The following SETBP1 variants were observed in gnomAD, a reference collection of about 807,000 sequenced individuals.
The protein encoded by SETBP1 is SET binding protein 1, also known as SET-binding protein.
A neutral mutation model predicts 101.0 loss-of-function variants in SETBP1; 9 were observed. The ratio of observed to expected loss-of-function variants is 0.09; its 90% CI spans 0.05 to 0.16. The LOEUF (loss-of-function observed/expected upper bound fraction) is 0.16. Among genes scored for constraint, SETBP1 ranks in the 10% least tolerant of loss-of-function variants. The pLI is 1.00. For synonymous variants in SETBP1, 818 were observed against 788.5 expected (o/e 1.04, Z -0.63); for missense variants, 1,858 against 2,033.8 (o/e 0.91, Z 1.66).
At chr18:45,001,979 C>T (rs1353471905) in intron 4 of SETBP1, among the ~76,000 whole-genome samples, 1 of 152,144 alleles carries the variant, frequency 6.6e-6, no homozygotes, top group Non-Finnish European at 1.5e-5. Flanking sequence ...AAGGCTCCCC[C>T]ACCAAAATAA....
chr18:44,986,624 T>C (rs2072240519), intron 4 of SETBP1: 1 of 152,062 alleles, frequency 6.6e-6, no homozygotes, highest in African/African-American at 2.4e-5. Context: ...TTTGATTTTT[T>C]TTTTTTTTAC....
intron 4 of SETBP1, among the ~76,000 whole-genome samples, chr18:44,972,885 T>C (rs1303521480): frequency 2.6e-5 from 4 of 152,186 alleles, no homozygotes; most frequent in Non-Finnish European, 4.4e-5. Flanking sequence ...TCCTGACTGA[T>C]TGCCCTGGCC....
At position 44,833,765 on chromosome 18, in the gene SETBP1, C is replaced by A. The variant is rs183648684; in HGVS notation, c.487-35465C>A. 3.4e-4 allele frequency among the ~76,000 whole-genome samples: 52 copies of A among 152,310 alleles called. 1 individual carries two copies. Among genetic ancestry groups the A allele is most frequent in the Admixed American group, 9.8e-4 (15 of 15,302 alleles). On this transcript the variant is annotated intron_variant, in intron 2 of 5. Coordinates refer to ENST00000649279, the MANE Select transcript of SETBP1 (RefSeq NM_015559.3). ...CACTTTTTACTCCAAGCTCCCCTGG[C>A]TCATAGCAATTCATGCAGTAGTTAT...
intron 4 of SETBP1, among the ~76,000 whole-genome samples, chr18:45,009,395 G>A (rs550763995): frequency 1.1e-3 from 171 of 151,454 alleles, no homozygotes; most frequent in Non-Finnish European, 1.8e-3. Context: ...TAATGACTGC[G>A]CTGGTTTTTA....
chr18:45,022,006 TGTTAACTGAA>T (rs754826068), intron 4 of SETBP1, among the ~76,000 whole-genome samples: 6,899 of 152,304 alleles, frequency 0.045, 176 homozygotes, highest in South Asian at 0.096. Flanking sequence ...TATGCCCTAC[TGTTAACTGAA>T]CAAAAGTTCA....
intron 4 of SETBP1, among the ~76,000 whole-genome samples, chr18:44,974,632 A>G (rs2071945632): frequency 1.3e-5 from 2 of 152,194 alleles, no homozygotes. Flanking sequence ...GATTTACCAA[A>G]GCCTGGTAAC....
chr18:44,900,849 A>G (rs1225902478), intron 3 of SETBP1, among the ~76,000 whole-genome samples: 2 of 152,170 alleles, frequency 1.3e-5, no homozygotes, highest in African/African-American at 4.8e-5. Flanking sequence ...AGTGAAGGAA[A>G]TGGGTTGAGT....
chr18:44,814,380 A>C (rs1039608498), intron 2 of SETBP1, among the ~76,000 whole-genome samples: 3 of 152,228 alleles, frequency 2.0e-5, no homozygotes, highest in Admixed American at 1.3e-4. Context: ...ACAGAAGGCC[A>C]GATCCAAGGG....
chr18:44,864,528 C>T (rs1038198498), intron 2 of SETBP1, among the ~76,000 whole-genome samples: 2 of 152,088 alleles, frequency 1.3e-5, no homozygotes, highest in Non-Finnish European at 2.9e-5. Context: ...GCAGGGTCAT[C>T]CTCCTAATAT....
intron 4 of SETBP1, among the ~76,000 whole-genome samples, chr18:45,030,641 T>TGGA (rs2073275877): frequency 6.7e-6 from 1 of 150,156 alleles, no homozygotes; most frequent in Non-Finnish European, 1.5e-5. Flanking sequence ...CATCTGGTCC[T>TGGA]GGACTCTTTT....
intron 3 of SETBP1, among the ~76,000 whole-genome samples, chr18:44,892,744 T>A (rs1305391616): frequency 6.6e-6 from 1 of 152,146 alleles, no homozygotes; most frequent in African/African-American, 2.4e-5. Flanking sequence ...TTTTTCTTCC[T>A]CATCCACACA....
intron 2 of SETBP1, among the ~76,000 whole-genome samples, chr18:44,857,809 T>G (rs2073007887): frequency 1.3e-5 from 2 of 152,184 alleles, no homozygotes; most frequent in South Asian, 4.1e-4. Context: ...ATATCTTATT[T>G]GGAGAAGAGG....
intron 4 of SETBP1, among the ~76,000 whole-genome samples, chr18:44,991,244 C>CAAAAAA (rs55811938): frequency 8.8e-5 from 6 of 68,200 alleles, no homozygotes; most frequent in Non-Finnish European, 1.1e-4. Context: ...CTGCATCTCA[C>CAAAAAA]AAAAAAAAAA....
intron 1 of SETBP1, among the ~76,000 whole-genome samples, chr18:44,688,786 A>T (rs1366519196): frequency 6.6e-6 from 1 of 152,182 alleles, no homozygotes; most frequent in Admixed American, 6.5e-5. Context: ...ATTGATTAAT[A>T]GTAGTGACTA....
chr18:45,016,699 T>C (rs2072948548), intron 4 of SETBP1, among the ~76,000 whole-genome samples: 1 of 151,912 alleles, frequency 6.6e-6, no homozygotes, highest in African/African-American at 2.4e-5. Flanking sequence ...TCCAGGGCTC[T>C]GGGCACTGTG....
rs377374971 is a variant in SETBP1 at position 44,927,255 on chromosome 18, C to T, written c.541-22626C>T. ...TTCTCTGATGAAGAGAGTCAGATGCCTCAGGCTATGACCTAATGTAGCTCT... is the reference window on the plus strand; with the variant it reads ...TTCTCTGATGAAGAGAGTCAGATGCTTCAGGCTATGACCTAATGTAGCTCT... On this transcript the variant is annotated intron_variant, in intron 3 of 5. Coordinates refer to ENST00000649279, the MANE Select transcript of SETBP1 (RefSeq NM_015559.3). Among the ~76,000 whole-genome samples the T allele has an allele frequency of 4.6e-5, 7 of 152,232 alleles. No individual in the cohort carries two copies. In the East Asian group the frequency reaches 1.2e-3, roughly 25 times the overall value.
chr18:44,774,249 G>C (rs1036353006), intron 2 of SETBP1, among the ~76,000 whole-genome samples: 1 of 152,174 alleles, frequency 6.6e-6, no homozygotes, highest in Non-Finnish European at 1.5e-5. Context: ...CTCAGTCAGA[G>C]TGAGGGGCGA....
intron 3 of SETBP1, among the ~76,000 whole-genome samples, chr18:44,894,041 A>G (rs1337431934): frequency 6.6e-6 from 1 of 152,184 alleles, no homozygotes; most frequent in African/African-American, 2.4e-5. Flanking sequence ...GCAACTAAGC[A>G]GAAAGTTCAA....
At chr18:44,879,103 A>G (rs2069474336) in intron 3 of SETBP1, among the ~76,000 whole-genome samples, 1 of 152,234 alleles carries the variant, frequency 6.6e-6, no homozygotes, top group Non-Finnish European at 1.5e-5. Context: ...CCAATGATAC[A>G]TGGAGGGGAA....
Sources: allele counts gnomAD v4.1 joint callset (sites outside exome capture counted in the v4.1 genomes callset), GRCh38; gene constraint gnomAD v4.1.1; transcripts MANE v1.5; gene names NCBI Gene and HGNC (gene_info 2026-07-23, HGNC 2026-07-21).